COL4A1: variants seen among roughly 807,000 people sequenced by gnomAD.
COL4A1 encodes the protein collagen type IV alpha 1 chain, also known as collagen alpha-1(IV) chain.
A neutral mutation model predicts 216.6 loss-of-function variants in COL4A1; 40 were observed. The ratio of observed to expected loss-of-function variants is 0.18; its 90% CI spans 0.14 to 0.24. The LOEUF (loss-of-function observed/expected upper bound fraction) is 0.24. Ranked by LOEUF, COL4A1 falls within the 10% of genes least tolerant of loss-of-function variation. The pLI, the probability that COL4A1 is intolerant of heterozygous loss-of-function variation, is 1.00. For missense variants in COL4A1, 1,628 were observed against 2,196.8 expected, an observed-to-expected ratio of 0.74 and a Z score of 5.18; for synonymous variants, 839 against 810.7, an observed-to-expected ratio of 1.03 and a Z score of -0.59.
chr13:110,295,768 AAAATATTTACATGC>A (rs1379191532), intron 1 of COL4A1, among the ~76,000 whole-genome samples: 2 of 152,212 alleles, frequency 1.3e-5, no homozygotes, highest in Admixed American at 6.5e-5. Context: ...GCTGAATTCT[AAAATATTTACATGC>A]AAATATTTAC....
chr13:110,209,437 A>G lies in COL4A1; in HGVS notation c.616-10T>C. On this transcript the variant is annotated splice_polypyrimidine_tract_variant and intron_variant, in intron 10 of 51. Coordinates refer to ENST00000375820, the MANE Select transcript of COL4A1 (RefSeq NM_001845.6). ...GAGGGCCTGGGGGACCCTGGGAGAG[A>G]CAGCATTTTAATTAAATAGGATTCA... 30 of 1,595,176 alleles carry G rather than the reference A, an allele frequency of 1.9e-5. No homozygotes were observed. Among genetic ancestry groups the G allele is most frequent in the Non-Finnish European group, 2.6e-5 (30 of 1,169,782 alleles).
chr13:110,207,302 A>ATT lies in COL4A1; in HGVS notation c.780+100_780+101insAA, dbSNP rs1284345727. The ATT allele has an allele frequency of 1.0e-6, 1 of 1,002,324 alleles. No homozygotes were observed. Among genetic ancestry groups the ATT allele is most frequent in the African/African-American group, 1.6e-5 (1 of 63,708 alleles). 62.1% of individuals were successfully genotyped at this position (1,002,324 alleles called of 1,614,324 possible). A position where few individuals can be genotyped will look rare whatever the true frequency, so the allele number is the denominator to read the frequency against. The stretch of plus-strand genomic sequence containing the variant: ...AAATCTGTTTTCCAGACCAGGATTG[A>ATT]ATGTAGCTGGAAAAACTGAGTTTTG... On this transcript the variant is annotated intron_variant, in intron 13 of 51. Transcript: ENST00000375820. This position sits in a 1 kb window ranked among gnomAD's most constrained non-coding sequence, Gnocchi z 4.4.
At chr13:110,253,565 CGTAT>C (rs535638325) in intron 1 of COL4A1, among the ~76,000 whole-genome samples, 26 of 138,930 alleles carry the variant, frequency 1.9e-4, no homozygotes, top group African/African-American at 2.7e-4. Flanking sequence ...TATAATTATA[CGTAT>C]GTATGTATTA....
Position 110,174,660 on chromosome 13 carries a change from T to A in COL4A1, c.3288A>T (p.Pro1096=). The change falls in exon 38 of 52, where the codon CCA becomes CCT. Residue 1096 remains proline, a synonymous_variant. Coordinates refer to ENST00000375820, the MANE Select transcript of COL4A1 (RefSeq NM_001845.6). ...SIGIPGMPGS[P]GLKGSPGSVG... ...CACTCCCGGGAGACCCTTTAAGGCC[T>A]GGGGACCCTGGCATTCCTGGGATCC... 1 of 1,614,080 alleles carries A rather than the reference T, an allele frequency of 6.2e-7. No homozygotes were observed. Among genetic ancestry groups the A allele is most frequent in the Non-Finnish European group, 8.5e-7 (1 of 1,179,946 alleles).
chr13:110,252,639 CTTATATACAAAATGTAT>C lies in COL4A1; in HGVS notation c.85-9922_85-9906del, dbSNP rs1566416329. Reference sequence around the variant, plus strand: ...TGTATAATTGTATATATTATATATACTTATATACAAAATGTATATATGTATATATACATATAATATGT... The same window carrying C: ...TGTATAATTGTATATATTATATATACATATGTATATATACATATAATATGT... On this transcript the variant is annotated intron_variant, in intron 1 of 51. Transcript: ENST00000375820. Among the ~76,000 whole-genome samples the C allele has an allele frequency of 1.4e-3, 139 of 98,192 alleles. 8 individuals carry two copies. In the Middle Eastern group the frequency reaches 0.041, roughly 29 times the overall value. 64.4% of individuals were successfully genotyped at this position (98,192 alleles called of 152,430 possible). A position where few individuals can be genotyped will look rare whatever the true frequency, so the allele number is the denominator to read the frequency against.
intron 10 of COL4A1, among the ~76,000 whole-genome samples, chr13:110,209,651 C>G (rs1468712675): frequency 6.6e-6 from 1 of 152,210 alleles, no homozygotes; most frequent in African/African-American, 2.4e-5. Flanking sequence ...GTGAAGTCAC[C>G]TGGGGCACAG....
intron 33 of COL4A1, 97 bp downstream of exon 33, chr13:110,177,745 C>CT: frequency 7.5e-7 from 1 of 1,340,868 alleles, no homozygotes; most frequent in Non-Finnish European, 1.1e-6. Flanking sequence ...TTGTAGGCGT[C>CT]TTAAAGGGAA....
intron 1 of COL4A1, among the ~76,000 whole-genome samples, chr13:110,285,310 A>G (rs1342901608): frequency 6.6e-6 from 1 of 152,220 alleles, no homozygotes; most frequent in Non-Finnish European, 1.5e-5. Flanking sequence ...AATCCCACGC[A>G]TATTTCCTCA....
At chr13:110,154,887 G>A (rs942122910) in intron 50 of COL4A1, among the ~76,000 whole-genome samples, 4 of 152,270 alleles carry the variant, frequency 2.6e-5, no homozygotes, top group Non-Finnish European at 5.9e-5. Flanking sequence ...GTCATATGAA[G>A]AAGCTGCTCA....
At chr13:110,201,390 G>A (rs141469904) in intron 19 of COL4A1, 48 bp downstream of exon 19, 12 of 1,319,966 alleles carry the variant, frequency 9.1e-6, no homozygotes, top group Non-Finnish European at 1.1e-5. Context: ...AGGAGGAGGA[G>A]AGAAGGAGGG....
chr13:110,240,705 C>CG (rs1430379487), intron 2 of COL4A1, among the ~76,000 whole-genome samples: 2 of 152,206 alleles, frequency 1.3e-5, no homozygotes, highest in African/African-American at 2.4e-5. Context: ...GTAGCCCACT[C>CG]GGAGTGGAAG....
At chr13:110,256,745 G>GT in intron 1 of COL4A1, among the ~76,000 whole-genome samples, 1 of 98,360 alleles carries the variant, frequency 1.0e-5, no homozygotes, top group East Asian at 2.8e-4. Flanking sequence ...GACCGGCGGC[G>GT]GGGGGGTCTA....
intron 1 of COL4A1, among the ~76,000 whole-genome samples, chr13:110,304,307 T>G (rs917595692): frequency 5.3e-5 from 8 of 152,156 alleles, no homozygotes; most frequent in African/African-American, 1.9e-4. Flanking sequence ...GGGAATGAAA[T>G]CTCACTTAGT....
intron 1 of COL4A1, among the ~76,000 whole-genome samples, chr13:110,247,574 C>T (rs368169902): frequency 3.3e-5 from 5 of 151,994 alleles, no homozygotes; most frequent in South Asian, 2.1e-4. Context: ...ATACACAGTA[C>T]GAGTGCCAAA....
At chr13:110,287,811 C>T (rs547004554) in intron 1 of COL4A1, among the ~76,000 whole-genome samples, 65 of 152,310 alleles carry the variant, frequency 4.3e-4, no homozygotes, top group African/African-American at 7.9e-4. Flanking sequence ...CTAATGCAGG[C>T]GCTACAATAC....
At chr13:110,303,711 CCT>C (rs1884581012) in intron 1 of COL4A1, among the ~76,000 whole-genome samples, 2 of 152,234 alleles carry the variant, frequency 1.3e-5, no homozygotes, top group South Asian at 2.1e-4. Flanking sequence ...CTTCGATTCC[CCT>C]GATTGTGACA....
intron 1 of COL4A1, among the ~76,000 whole-genome samples, chr13:110,273,595 G>T (rs1161253387): frequency 2.0e-5 from 3 of 152,092 alleles, no homozygotes; most frequent in African/African-American, 7.2e-5. Flanking sequence ...GGAAAAAAGG[G>T]GTTTAAATTG....
In COL4A1 at chr13:110,174,769, A is replaced by T. The variant is rs754102254; in HGVS notation, c.3199-20T>A. ...ATCTCCCTGCAAGTAAAAGTCAGGC[A>T]TATTAACTTTACATTTGTCCATGGG... On this transcript the variant is annotated intron_variant, in intron 37 of 51. Transcript: ENST00000375820. 6.8e-6 allele frequency: 11 copies of T among 1,611,518 alleles called. No individual in the cohort carries two copies. Among genetic ancestry groups the T allele is most frequent in the Non-Finnish European group, 9.3e-6 (11 of 1,177,736 alleles).
In COL4A1 at chr13:110,198,546, A is replaced by C; in HGVS notation, c.1206T>G (p.Ser402=). ...EKGDRGFPGT[S]LPGPSGRDGL... is the part of the protein sequence containing the mutation. Reference sequence around the variant, plus strand: ...CATCTCTTCCACTTGGTCCTGGCAGAGATGTACCAGGAAATCCTCGGTCAC... The same window carrying C: ...CATCTCTTCCACTTGGTCCTGGCAGCGATGTACCAGGAAATCCTCGGTCAC... Residue 402 remains serine, a synonymous_variant, in exon 21 of 52, where the codon TCT becomes TCG. Transcript: ENST00000375820. 1 of 1,614,094 alleles carries C rather than the reference A, an allele frequency of 6.2e-7. No individual in the cohort carries two copies. Among genetic ancestry groups the C allele is most frequent in the South Asian group, 1.1e-5 (1 of 91,080 alleles).
Sources: allele counts gnomAD v4.1 joint callset (sites outside exome capture counted in the v4.1 genomes callset), GRCh38; gene constraint gnomAD v4.1.1; non-coding constraint Gnocchi (gnomAD v3.1); transcripts MANE v1.5; gene names NCBI Gene and HGNC (gene_info 2026-07-23, HGNC 2026-07-21).